XKR4: variants seen among roughly 807,000 people sequenced by gnomAD.
XKR4 encodes the protein XK-related protein 4.
A neutral mutation model predicts 53.9 loss-of-function variants in XKR4; 12 were observed. The ratio of observed to expected loss-of-function variants is 0.22; its 90% CI spans 0.14 to 0.36. The LOEUF (loss-of-function observed/expected upper bound fraction) is 0.36, where lower values mean the gene tolerates loss of function less well. Among genes scored for constraint, XKR4 ranks in the 10% least tolerant of loss-of-function variants. The pLI is 1.00. For missense variants in XKR4, 799 were observed against 859.5 expected (o/e 0.93, Z 0.88); for synonymous variants, 354 against 362.4 (o/e 0.98, Z 0.26).
intron 2 of XKR4, chr8:55,452,703 A>C: frequency 8.2e-7 from 1 of 1,226,726 alleles, no homozygotes; most frequent in South Asian, 1.2e-5. Context: ...GCGGTTGATG[A>C]AGTGGACCAC....
intron 1 of XKR4, among the ~76,000 whole-genome samples, chr8:55,205,279 G>A (rs1411046949): frequency 6.6e-6 from 1 of 152,146 alleles, no homozygotes; most frequent in Non-Finnish European, 1.5e-5. Flanking sequence ...CATGCACATT[G>A]TACTTTCTGA....
At chr8:55,377,542 T>G (rs1216191967) in intron 2 of XKR4, among the ~76,000 whole-genome samples, 1 of 152,078 alleles carries the variant, frequency 6.6e-6, no homozygotes, top group Non-Finnish European at 1.5e-5. Context: ...TCACTGCTTT[T>G]TCCCTTAAGG....
chr8:55,123,078 G>A (rs990970003), intron 1 of XKR4, among the ~76,000 whole-genome samples: 5 of 152,154 alleles, frequency 3.3e-5, no homozygotes, highest in African/African-American at 7.2e-5. Context: ...TTGACTCTTG[G>A]TTTTATTAGC....
intron 1 of XKR4, among the ~76,000 whole-genome samples, chr8:55,324,220 T>A (rs1054644772): frequency 3.3e-5 from 5 of 152,104 alleles, no homozygotes; most frequent in African/African-American, 4.8e-5. Flanking sequence ...CTCAGCCTCA[T>A]GAGTAGCTGG....
intron 2 of XKR4, among the ~76,000 whole-genome samples, chr8:55,361,001 A>G (rs1337575622): frequency 6.6e-6 from 1 of 152,208 alleles, no homozygotes; most frequent in Non-Finnish European, 1.5e-5. Flanking sequence ...ATCAGGGCAA[A>G]GCTGAGTCTC....
intron 2 of XKR4, among the ~76,000 whole-genome samples, chr8:55,512,019 G>A (rs1806633499): frequency 6.6e-6 from 1 of 152,128 alleles, no homozygotes; most frequent in Admixed American, 6.5e-5. Flanking sequence ...TTATAGAGAA[G>A]CTTTTCTGTT....
intron 2 of XKR4, among the ~76,000 whole-genome samples, chr8:55,506,804 A>C (rs1161833912): frequency 1.3e-5 from 2 of 152,264 alleles, no homozygotes; most frequent in African/African-American, 4.8e-5. Context: ...CAAGCAATAG[A>C]CTGTGAATGC....
intron 2 of XKR4, among the ~76,000 whole-genome samples, chr8:55,462,326 T>A (rs1208893556): frequency 6.6e-6 from 1 of 152,170 alleles, no homozygotes; most frequent in Non-Finnish European, 1.5e-5. Flanking sequence ...TATTCAACAT[T>A]CTTAAAGAAA....
At position 55,141,645 on chromosome 8, in the gene XKR4, T is replaced by TTCTCTCTCTCTCTCTCTCTCTCTCTC. The variant is rs138063196; in HGVS notation, c.806+38353_806+38378dup. 3.1e-3 allele frequency among the ~76,000 whole-genome samples: 345 copies of TTCTCTCTCTCTCTCTCTCTCTCTCTC among 111,918 alleles called. 2 individuals are homozygous for TTCTCTCTCTCTCTCTCTCTCTCTCTC. The highest frequency in any genetic ancestry group is 7.5e-3 in the African/African-American group (211 of 28,196). The allele number at this position is 111,918 out of a possible 152,430, so 73.4% of individuals were successfully genotyped here. ...TTTCTGTCTCTCTTGGTGCTTCTGCTTCTCTCTCTCTCTCTCTCTCTCTCT... is the reference window on the plus strand; with the variant it reads ...TTTCTGTCTCTCTTGGTGCTTCTGCTTCTCTCTCTCTCTCTCTCTCTCTCTCTCTCTCTCTCTCTCTCTCTCTCTCT... On this transcript the variant is annotated intron_variant, in intron 1 of 2. Transcript: ENST00000327381.
At position 55,524,100 on chromosome 8, in the gene XKR4, G is replaced by C; in HGVS notation, c.1826G>C (p.Arg609Thr). 1 of 1,614,232 alleles carries C rather than the reference G, an allele frequency of 6.2e-7. No individual in the cohort carries two copies. Residue 609 changes from arginine to threonine, a missense_variant, in exon 3 of 3, where the codon AGA (arginine) becomes ACA (threonine). By Grantham distance (71) the Arg-to-Thr change is moderately conservative. Around this residue, in one of 3 missense-constraint regions of XKR4, gnomAD observed 269 missense variants for 264.4 expected, o/e 1.02. Coordinates refer to ENST00000327381, the MANE Select transcript of XKR4 (RefSeq NM_052898.2). ...LFRNRYPAWE[R>T]HVLDRSLRKA... ...AGGAATAGGTACCCAGCATGGGAGA[G>C]ACATGTTTTGGACCGAAGCCTCCGA...
chr8:55,304,997 T>C (rs1489591965), intron 1 of XKR4, among the ~76,000 whole-genome samples: 1 of 152,010 alleles, frequency 6.6e-6, no homozygotes. Flanking sequence ...TCAAAAATAC[T>C]TATTTATATT....
chr8:55,455,093 T>A, intron 2 of XKR4: 1 of 671,640 alleles, frequency 1.5e-6, no homozygotes, highest in South Asian at 1.6e-5. Context: ...CCCGCGCGGG[T>A]GCGGCCTGAA....
intron 2 of XKR4, among the ~76,000 whole-genome samples, chr8:55,430,938 C>G (rs79203229): frequency 0.041 from 6,292 of 152,258 alleles, 179 homozygotes; most frequent in Middle Eastern, 0.092. Context: ...TTTCAACACA[C>G]GAATGTGGGG....
intron 2 of XKR4, among the ~76,000 whole-genome samples, chr8:55,384,890 C>T (rs1804287624): frequency 6.6e-6 from 1 of 152,158 alleles, no homozygotes; most frequent in South Asian, 2.1e-4. Context: ...AAAACAGGTT[C>T]CATGGATGAG....
chr8:55,449,319 G>T (rs1052080990), intron 2 of XKR4, among the ~76,000 whole-genome samples: 3 of 152,162 alleles, frequency 2.0e-5, no homozygotes, highest in Non-Finnish European at 4.4e-5. Context: ...CAGCTGTGAC[G>T]CCGAAATAAG....
At chr8:55,395,572 G>T (rs1804505194) in intron 2 of XKR4, among the ~76,000 whole-genome samples, 1 of 152,178 alleles carries the variant, frequency 6.6e-6, no homozygotes, top group Non-Finnish European at 1.5e-5. Context: ...TAGGTGATGG[G>T]AAATCAGTGA....
chr8:55,238,451 A>G (rs62517038), intron 1 of XKR4, among the ~76,000 whole-genome samples: 39,880 of 152,164 alleles, frequency 0.26, 5,555 homozygotes, highest in East Asian at 0.49. Flanking sequence ...CAGAGGCAGA[A>G]GAAAATCCAG....
At chr8:55,375,756 C>T (rs955075643) in intron 2 of XKR4, among the ~76,000 whole-genome samples, 2 of 151,056 alleles carry the variant, frequency 1.3e-5, no homozygotes, top group East Asian at 1.9e-4. Context: ...CCAGGGTACA[C>T]GTGCAGGATG....
chr8:55,282,629 A>G (rs1818858278), intron 1 of XKR4, among the ~76,000 whole-genome samples: 1 of 152,198 alleles, frequency 6.6e-6, no homozygotes, highest in Non-Finnish European at 1.5e-5. Flanking sequence ...CAAGCCATTC[A>G]TGAGGGATCT....
Sources: gnomAD v4.1 joint callset for allele counts (sites outside exome capture counted in the v4.1 genomes callset) on GRCh38, gnomAD v4.1.1 for gene constraint, gnomAD v4.1.1 regional missense constraint, MANE v1.5 for transcripts, NCBI Gene and HGNC (gene_info 2026-07-23, HGNC 2026-07-21) for gene names.